ZNF839: variants seen among roughly 807,000 people sequenced by gnomAD.
ZNF839 encodes renal carcinoma antigen NY-REN-50.
Under a neutral mutation model 56.4 loss-of-function variants are expected in ZNF839, and 38 were observed. The ratio of observed to expected loss-of-function variants is 0.67; its 90% CI spans 0.52 to 0.88. The LOEUF (loss-of-function observed/expected upper bound fraction) is 0.88. Ranked by LOEUF, ZNF839 falls within the 40% of genes least tolerant of loss-of-function variation. The probability of loss-of-function intolerance (pLI) is 0.00; values close to 1 mark genes in which losing one functional copy is unlikely to be tolerated. For missense variants in ZNF839, 1,091 were observed against 1,177.6 expected (o/e 0.93, Z 1.08); for synonymous variants, 486 against 493.5 (o/e 0.98, Z 0.20).
chr14:102,326,213 C>T lies in ZNF839; in HGVS notation c.517C>T (p.Pro173Ser). The T allele has an allele frequency of 6.2e-7, 1 of 1,613,892 alleles. No individual in the cohort carries two copies. Among genetic ancestry groups the T allele is most frequent in the Non-Finnish European group, 8.5e-7 (1 of 1,179,856 alleles). ...CTTCCTAAGTGACTTATGCCAACCT[C>T]CTGCTCAGGGGTTTGTACAGAGACC... Reference protein sequence around the residue: ...SCFLSDLCQPPAQGFVQRPLP... With the variant: ...SCFLSDLCQPSAQGFVQRPLP... The change falls in exon 2 of 8, where the codon CCT becomes TCT. Residue 173 changes from proline to serine, a missense_variant. Physicochemically the swap from Pro to Ser is moderately conservative, Grantham distance 74. Transcript: ENST00000442396. The surrounding 1 kb of genome is among the most constrained non-coding windows in gnomAD (Gnocchi z 4.3).
chr14:102,319,831 T>C lies in ZNF839; in HGVS notation c.66T>C (p.Ala22=), dbSNP rs1412081242. ...SEDGGGGGGP[A]PPGQSGSVAR... is the part of the protein sequence containing the mutation. ...ATGGCGGCGGCGGCGGCGGCCCGGC[T>C]CCTCCGGGCCAGAGCGGCAGCGTCG... Residue 22 remains alanine (A), a synonymous_variant, in exon 1 of 8, where the codon GCT becomes GCC. Transcript: ENST00000442396. This position sits in a 1 kb window ranked among gnomAD's most constrained non-coding sequence, Gnocchi z 4.5. 3.6e-5 allele frequency: 44 copies of C among 1,215,854 alleles called. No individual in the cohort carries two copies. Among genetic ancestry groups the C allele is most frequent in the Non-Finnish European group, 4.5e-5 (44 of 979,412 alleles). The allele number at this position is 1,215,854 out of a possible 1,614,324, so 75.3% of individuals were successfully genotyped here. A position where few individuals can be genotyped will look rare whatever the true frequency, so the allele number is the denominator to read the frequency against.
intron 3 of ZNF839, among the ~76,000 whole-genome samples, chr14:102,334,210 C>G (rs2073916606): frequency 6.6e-6 from 1 of 152,238 alleles, no homozygotes; most frequent in Non-Finnish European, 1.5e-5. Context: ...CTGCCCGTCT[C>G]CAGGCGCCGC....
chr14:102,340,573 C>A (rs994350317), intron 7 of ZNF839, among the ~76,000 whole-genome samples: 38 of 152,084 alleles, frequency 2.5e-4, no homozygotes, highest in African/African-American at 8.9e-4. Context: ...CCGTGCCCAG[C>A]CTGATGGTGA....
At position 102,326,742 on chromosome 14, in the gene ZNF839, A is replaced by C; in HGVS notation, c.1046A>C (p.Glu349Ala). The C allele has an allele frequency of 6.2e-7, 1 of 1,613,216 alleles. No individual in the cohort carries two copies. The highest frequency in any genetic ancestry group is 8.5e-7 in the Non-Finnish European group (1 of 1,179,606). The change falls in exon 2 of 8, where the codon GAG (glutamate) becomes GCG (alanine). Residue 349 changes from glutamate (E) to alanine (A), a missense_variant. Physicochemically the swap from Glu to Ala is moderately radical, Grantham distance 107. Transcript: ENST00000442396. This position sits in a 1 kb window ranked among gnomAD's most constrained non-coding sequence, Gnocchi z 4.3. ...GQLDPEMVLS[E>A]KASGSTLRGC... ...TTGGACCCCGAGATGGTGCTGTCTG[A>C]GAAAGCCAGTGGAAGCACCCTCCGG... is the stretch of plus-strand genomic sequence containing the variant.
chr14:102,322,012 A>T (rs773186800), intron 1 of ZNF839, among the ~76,000 whole-genome samples: 11 of 151,924 alleles, frequency 7.2e-5, no homozygotes, highest in Middle Eastern at 3.4e-3. Context: ...AGAAATTTCC[A>T]GTTCCATCCA....
chr14:102,328,883 A>C (rs1394908937), intron 2 of ZNF839, among the ~76,000 whole-genome samples: 1 of 151,990 alleles, frequency 6.6e-6, no homozygotes, highest in Non-Finnish European at 1.5e-5. Context: ...CTGTCAGTGG[A>C]CACTTGGGTT....
chr14:102,327,532 T>C (rs2073483136), intron 2 of ZNF839, among the ~76,000 whole-genome samples: 1 of 152,160 alleles, frequency 6.6e-6, no homozygotes, highest in African/African-American at 2.4e-5. Flanking sequence ...GATCCAGCAG[T>C]CACCTCCCAC....
chr14:102,325,856 A>C, intron 1 of ZNF839, 129 bp from the exon 2 acceptor site: 1 of 1,110,476 alleles, frequency 9.0e-7, no homozygotes, highest in Non-Finnish European at 1.3e-6. Context: ...CAAACACATT[A>C]CATCAACTTT....
chr14:102,338,150 A>G (rs140100028), intron 5 of ZNF839, among the ~76,000 whole-genome samples: 35 of 152,348 alleles, frequency 2.3e-4, no homozygotes, highest in African/African-American at 7.2e-4. Context: ...AGAAGTCAGT[A>G]AAGGAGGGAT....
intron 1 of ZNF839, among the ~76,000 whole-genome samples, chr14:102,324,265 C>T (rs1285243654): frequency 3.3e-5 from 5 of 152,108 alleles, no homozygotes; most frequent in Admixed American, 3.3e-4. Flanking sequence ...ATGGGTAACG[C>T]CGGGCACGGT....
At chr14:102,333,915 T>C (rs2073904035) in intron 3 of ZNF839, among the ~76,000 whole-genome samples, 1 of 152,122 alleles carries the variant, frequency 6.6e-6, no homozygotes, top group South Asian at 2.1e-4. Context: ...TCTCCTTCAC[T>C]CACTCCTCCC....
intron 1 of ZNF839, among the ~76,000 whole-genome samples, chr14:102,320,707 T>C (rs994794695): frequency 6.6e-6 from 1 of 152,124 alleles, no homozygotes; most frequent in Non-Finnish European, 1.5e-5. Flanking sequence ...TGATACACAA[T>C]GTTTGGAATA....
chr14:102,330,762 C>T (rs899503031), intron 2 of ZNF839, among the ~76,000 whole-genome samples: 11 of 152,156 alleles, frequency 7.2e-5, no homozygotes, highest in Non-Finnish European at 1.0e-4. Flanking sequence ...AGGTGATCCA[C>T]CCGCCTCGGC....
chr14:102,322,405 C>T (rs1337561018), intron 1 of ZNF839, among the ~76,000 whole-genome samples: 1 of 152,172 alleles, frequency 6.6e-6, no homozygotes, highest in Non-Finnish European at 1.5e-5. Context: ...GTATTCCACC[C>T]AGAAATACTG....
rs1276529679 is a variant in ZNF839, at chr14:102,335,791, A to G, written c.1612A>G (p.Ser538Gly). Residue 538 changes from serine to glycine, a missense_variant, in exon 5 of 8, where the codon AGT (serine) becomes GGT (glycine). This residue lies in a region of ZNF839 where 46 missense variants were observed against 80.4 expected (regional missense o/e 0.57). Coordinates refer to ENST00000442396, the MANE Select transcript of ZNF839 (RefSeq NM_018335.6). Reference protein sequence around the residue: ...VKKMCQDYLSSSGLCSQETLE... With the variant: ...VKKMCQDYLSGSGLCSQETLE... Reference sequence around the variant, plus strand: ...GAAAATGTGCCAAGATTACCTCAGTAGTTCTGGTCTGTGTTCCCAGGAGAC... The same window carrying G: ...GAAAATGTGCCAAGATTACCTCAGTGGTTCTGGTCTGTGTTCCCAGGAGAC... 1.2e-6 allele frequency: 2 copies of G among 1,608,678 alleles called. No individual in the cohort carries two copies. Among genetic ancestry groups the G allele is most frequent in the Admixed American group, 3.3e-5 (2 of 60,010 alleles).
rs1260652088 is a variant in ZNF839, at chr14:102,320,184, T to G, written c.288+131T>G. Reference sequence around the variant, plus strand: ...ACTCAGGGCGTCCCCAGGCTGAGCTTCTTAGGGACGGCGTTCGGCCCCCAC... The same window carrying G: ...ACTCAGGGCGTCCCCAGGCTGAGCTGCTTAGGGACGGCGTTCGGCCCCCAC... On this transcript the variant is annotated intron_variant, in intron 1 of 7. Transcript: ENST00000442396. The G allele has an allele frequency of 6.7e-6, 7 of 1,043,190 alleles. 1 individual carries two copies. The South Asian group carries it at 2.3e-4, about 34-fold the overall frequency. The allele number at this position is 1,043,190 out of a possible 1,614,324, so 64.6% of individuals were successfully genotyped here.
Position 102,342,208 on chromosome 14 carries a change from G to A in ZNF839, c.*29G>A, listed in dbSNP as rs751454917. 79 of 1,556,436 alleles carry A rather than the reference G, an allele frequency of 5.1e-5. No individual in the cohort carries two copies. The highest frequency in any genetic ancestry group is 6.8e-5 in the East Asian group (3 of 44,348). Reference sequence around the variant, plus strand: ...GAGTTCCTCTAGAAGCTGTGGAGTCGGTCGTCACCGTGGAGCCAGAGCCCT... The same window carrying A: ...GAGTTCCTCTAGAAGCTGTGGAGTCAGTCGTCACCGTGGAGCCAGAGCCCT... On this transcript the variant is annotated 3_prime_UTR_variant, in exon 8 of 8. Transcript: ENST00000442396.
intron 2 of ZNF839, among the ~76,000 whole-genome samples, chr14:102,328,849 A>G (rs752346995): frequency 2.0e-5 from 3 of 152,170 alleles, no homozygotes; most frequent in Non-Finnish European, 4.4e-5. Flanking sequence ...CACTGTGTGT[A>G]CATATCACAC....
intron 2 of ZNF839, among the ~76,000 whole-genome samples, chr14:102,328,158 C>A (rs1475834765): frequency 6.6e-6 from 1 of 151,314 alleles, no homozygotes; most frequent in Non-Finnish European, 1.5e-5. Flanking sequence ...AGTTCGAGAC[C>A]AGCCTGGCCA....
Sources: allele counts gnomAD v4.1 joint callset (sites outside exome capture counted in the v4.1 genomes callset), GRCh38; gene constraint gnomAD v4.1.1; regional missense constraint gnomAD v4.1.1; non-coding constraint Gnocchi (gnomAD v3.1); transcripts MANE v1.5; gene names NCBI Gene and HGNC (gene_info 2026-07-23, HGNC 2026-07-21).